DOCK1: variants seen among roughly 807,000 people sequenced by gnomAD.
DOCK1 encodes dedicator of cytokinesis 1, also known as dedicator of cytokinesis protein 1.
DOCK1 carries 138 observed loss-of-function variants against 262.7 expected under a neutral mutation model. The observed-to-expected ratio is 0.53, with a 90% confidence interval of 0.46 to 0.61. The LOEUF is 0.61. Among genes scored for constraint, DOCK1 ranks in the 20% least tolerant of loss-of-function variants. The pLI, the probability that DOCK1 is intolerant of heterozygous loss-of-function variation, is 0.00. For missense variants in DOCK1, 1,908 were observed against 2,370.7 expected (o/e 0.80, Z 4.05); for synonymous variants, 866 against 867.4 (o/e 1.00, Z 0.03).
chr10:126,960,071 C>T (rs2037079030), intron 1 of DOCK1, among the ~76,000 whole-genome samples: 1 of 152,176 alleles, frequency 6.6e-6, no homozygotes, highest in Non-Finnish European at 1.5e-5. Context: ...GGCTTACAGG[C>T]ACGAGCCACC....
At chr10:127,144,778 G>A (rs1352563057) in intron 27 of DOCK1, among the ~76,000 whole-genome samples, 3 of 152,006 alleles carry the variant, frequency 2.0e-5, no homozygotes, top group African/African-American at 7.3e-5. Context: ...CCGTAACTTT[G>A]TATCCTTCCT....
intron 48 of DOCK1, among the ~76,000 whole-genome samples, chr10:127,435,088 C>T (rs2069587703): frequency 6.6e-6 from 1 of 152,188 alleles, no homozygotes; most frequent in South Asian, 2.1e-4. Context: ...CACACTGTGG[C>T]TCTGGCATTA....
chr10:127,368,529 T>C (rs1431892016), intron 33 of DOCK1, among the ~76,000 whole-genome samples: 2 of 147,820 alleles, frequency 1.4e-5, no homozygotes, highest in South Asian at 2.3e-4. Flanking sequence ...TGCTTACCCC[T>C]AAACTCAGGA....
intron 27 of DOCK1, among the ~76,000 whole-genome samples, chr10:127,214,861 C>A (rs531708744): frequency 1.3e-5 from 2 of 152,164 alleles, no homozygotes; most frequent in East Asian, 3.9e-4. Flanking sequence ...CTCCTCTTGT[C>A]CTAACCCAGA....
At chr10:126,970,672 A>G (rs2038034515) in intron 1 of DOCK1, 30 bp from the exon 2 acceptor site, 7 of 1,544,504 alleles carry the variant, frequency 4.5e-6, no homozygotes, top group Non-Finnish European at 5.4e-6. Context: ...CTTTACTATT[A>G]CTAATATATT....
rs1305044037 is a variant in DOCK1, at chr10:127,248,179, T to C, written c.2949+70T>C. The C allele has an allele frequency of 9.5e-6, 12 of 1,267,148 alleles. No homozygotes were observed. The Admixed American group carries it at 2.3e-4, about 24-fold the overall frequency. 78.5% of individuals were successfully genotyped at this position (1,267,148 alleles called of 1,614,324 possible). A position where few individuals can be genotyped will look rare whatever the true frequency, so the allele number is the denominator to read the frequency against. ...CAGCACTTTAGACAAAAGCCTGATATCAATATATTCATTTAAAATAGGATT... is the reference window on the plus strand; with the variant it reads ...CAGCACTTTAGACAAAAGCCTGATACCAATATATTCATTTAAAATAGGATT... On this transcript the variant is annotated intron_variant, in intron 28 of 51. Coordinates refer to ENST00000623213, the MANE Select transcript of DOCK1 (RefSeq NM_001290223.2).
intron 48 of DOCK1, among the ~76,000 whole-genome samples, chr10:127,434,632 T>C (rs969771693): frequency 6.6e-6 from 1 of 151,494 alleles, no homozygotes; most frequent in Non-Finnish European, 1.5e-5. Context: ...CCCCCACCCC[T>C]GACACCCTGA....
chr10:127,445,032 C>T (rs979719484), intron 50 of DOCK1, among the ~76,000 whole-genome samples: 1 of 152,072 alleles, frequency 6.6e-6, no homozygotes, highest in South Asian at 2.1e-4. Context: ...CCTTGAGATC[C>T]TTCACTAATT....
intron 27 of DOCK1, among the ~76,000 whole-genome samples, chr10:127,152,544 G>A (rs1471429823): frequency 3.9e-5 from 6 of 152,170 alleles, no homozygotes; most frequent in African/African-American, 1.4e-4. Flanking sequence ...AGGTGGGGGT[G>A]GTTTCAGTAA....
intron 2 of DOCK1, among the ~76,000 whole-genome samples, chr10:126,974,584 C>G (rs2038372193): frequency 6.6e-6 from 1 of 152,122 alleles, no homozygotes; most frequent in African/African-American, 2.4e-5. Flanking sequence ...TCCTTCCAGC[C>G]TCATCCCCTC....
intron 27 of DOCK1, among the ~76,000 whole-genome samples, chr10:127,171,609 A>G (rs758110063): frequency 6.6e-6 from 1 of 152,198 alleles, no homozygotes; most frequent in East Asian, 1.9e-4. Context: ...TGGGGTGGCA[A>G]GTGGGGAGAG....
At chr10:127,342,593 A>G (rs2063481836) in intron 30 of DOCK1, among the ~76,000 whole-genome samples, 1 of 152,224 alleles carries the variant, frequency 6.6e-6, no homozygotes, top group Admixed American at 6.5e-5. Context: ...AAATCCTACA[A>G]ATGCTCTTAA....
intron 2 of DOCK1, 122 bp downstream of exon 2, chr10:126,970,907 G>A: frequency 1.8e-6 from 2 of 1,120,298 alleles, no homozygotes; most frequent in Non-Finnish European, 2.5e-6. Flanking sequence ...TTCCTTCTCA[G>A]GCTCCCTTTT....
chr10:127,137,846 C>A, intron 27 of DOCK1: 2 of 1,613,480 alleles, frequency 1.2e-6, no homozygotes. Flanking sequence ...GTTAAAGGAA[C>A]CAGAGTTTCC....
intron 27 of DOCK1, among the ~76,000 whole-genome samples, chr10:127,216,900 A>G (rs61874056): frequency 0.16 from 24,906 of 152,174 alleles, 2,566 homozygotes; most frequent in South Asian, 0.35. Context: ...TGGTGAGTAC[A>G]TGTCGTGGGC....
intron 27 of DOCK1, among the ~76,000 whole-genome samples, chr10:127,186,359 G>T (rs74533149): frequency 6.6e-5 from 10 of 152,122 alleles, no homozygotes; most frequent in Non-Finnish European, 4.4e-5. Context: ...CTGAATGAGC[G>T]CAAGCAGGGG....
At chr10:127,042,939 C>T in intron 20 of DOCK1, 125 bp from the exon 21 acceptor site, 1 of 851,966 alleles carries the variant, frequency 1.2e-6, no homozygotes, top group Non-Finnish European at 1.8e-6. Flanking sequence ...GTAAACTAGC[C>T]ACCAACTTCT....
intron 19 of DOCK1, 62 bp from the exon 20 acceptor site, chr10:127,042,563 T>C: frequency 7.1e-7 from 1 of 1,409,058 alleles, no homozygotes; most frequent in African/African-American, 1.4e-5. Context: ...TGATAGTTAT[T>C]CCAGTGTGTG....
intron 23 of DOCK1, among the ~76,000 whole-genome samples, chr10:127,091,597 G>A (rs974380608): frequency 1.3e-5 from 2 of 152,208 alleles, no homozygotes; most frequent in African/African-American, 4.8e-5. Context: ...AGAGAGCGTT[G>A]TTTAGAGGGA....
Sources: allele counts gnomAD v4.1 joint callset (sites outside exome capture counted in the v4.1 genomes callset), GRCh38; gene constraint gnomAD v4.1.1; transcripts MANE v1.5; gene names NCBI Gene and HGNC (gene_info 2026-07-23, HGNC 2026-07-21).